The following CROT variants were observed in gnomAD, a reference collection of about 807,000 sequenced individuals.
CROT encodes the protein peroxisomal carnitine O-octanoyltransferase.
A neutral mutation model predicts 89.2 loss-of-function variants in CROT; 84 were observed. That is an observed-to-expected ratio of 0.94 (90% CI 0.79 to 1.13). The LOEUF (loss-of-function observed/expected upper bound fraction) is 1.13, where lower values mean the gene tolerates loss of function less well. Among genes scored for constraint, CROT ranks in the 50% most tolerant of loss-of-function variants. The probability of loss-of-function intolerance (pLI) is 0.00; values close to 1 mark genes in which losing one functional copy is unlikely to be tolerated. For missense variants in CROT, 711 were observed against 727.8 expected (o/e 0.98, Z 0.27); for synonymous variants, 212 against 239.5 (o/e 0.89, Z 1.06).
chr7:87,381,779 C>G, intron 10 of CROT, 131 bp from the exon 11 acceptor site: 1 of 590,734 alleles, frequency 1.7e-6, no homozygotes, highest in Non-Finnish European at 2.9e-6. Flanking sequence ...ATCATATCCT[C>G]AAGAGGTGAG....
At chr7:87,378,362 A>AAT (rs1584639244) in intron 10 of CROT, among the ~76,000 whole-genome samples, 1 of 150,386 alleles carries the variant, frequency 6.6e-6, no homozygotes, top group African/African-American at 2.4e-5. Flanking sequence ...AAAAAAAAAA[A>AAT]GGGTTCAGTA....
intron 3 of CROT, among the ~76,000 whole-genome samples, chr7:87,356,860 A>G (rs1806091275): frequency 6.6e-6 from 1 of 152,126 alleles, no homozygotes; most frequent in South Asian, 2.1e-4. Flanking sequence ...TGTCTCTACT[A>G]AAAATACAAA....
At chr7:87,356,561 T>C (rs1806073492) in intron 3 of CROT, among the ~76,000 whole-genome samples, 1 of 152,326 alleles carries the variant, frequency 6.6e-6, no homozygotes, top group Non-Finnish European at 1.5e-5. Context: ...TAGAAGACTC[T>C]GTTTAATTTC....
intron 7 of CROT, among the ~76,000 whole-genome samples, chr7:87,372,504 T>A (rs1228479310): frequency 6.6e-6 from 1 of 152,240 alleles, no homozygotes; most frequent in Admixed American, 6.5e-5. Context: ...CTTCATGGGC[T>A]GCATTCAGCC....
chr7:87,388,262 TA>T (rs200819189), intron 13 of CROT, among the ~76,000 whole-genome samples: 1 of 150,964 alleles, frequency 6.6e-6, no homozygotes, highest in Non-Finnish European at 1.5e-5. Flanking sequence ...TTCAGAAAAT[TA>T]AAAAAAAACT....
rs939757816 is a variant in CROT at position 87,393,161 on chromosome 7, T to C, written c.1718+94T>C. The C allele has an allele frequency of 3.8e-6, 5 of 1,317,532 alleles. No individual in the cohort carries two copies. In the Admixed American group the frequency reaches 1.2e-4, roughly 31 times the overall value. The allele number at this position is 1,317,532 out of a possible 1,614,324, so 81.6% of individuals were successfully genotyped here. A position where few individuals can be genotyped will look rare whatever the true frequency, so the allele number is the denominator to read the frequency against. On this transcript the variant is annotated intron_variant, in intron 17 of 17. Transcript: ENST00000331536. Reference sequence around the variant, plus strand: ...CCTTTCCTACACTGTGATTCTTATATTGCCATCTGTCACTTGCTACATAAG... The same window carrying C: ...CCTTTCCTACACTGTGATTCTTATACTGCCATCTGTCACTTGCTACATAAG...
At chr7:87,365,694 A>C (rs1806420386) in intron 6 of CROT, among the ~76,000 whole-genome samples, 1 of 148,032 alleles carries the variant, frequency 6.8e-6, no homozygotes, top group Admixed American at 6.8e-5. Context: ...TGCAACCTCG[A>C]CCTCCTGGGC....
At chr7:87,398,319 G>A (rs1384205561) in intron 17 of CROT, 1 of 689,656 alleles carries the variant, frequency 1.5e-6, no homozygotes, top group South Asian at 1.5e-5. Context: ...GTCCCTAGGT[G>A]CTAGTCATCT....
chr7:87,368,202 C>T lies in CROT; in HGVS notation c.548-1174C>T, dbSNP rs113650439. On this transcript the variant is annotated intron_variant, in intron 6 of 17. Transcript: ENST00000331536. Reference sequence around the variant, plus strand: ...AACACTTCTGCGGGTATTTACATGGCGTACTTTCTCACTCCATTCAGTTTT... The same window carrying T: ...AACACTTCTGCGGGTATTTACATGGTGTACTTTCTCACTCCATTCAGTTTT... Among the ~76,000 whole-genome samples, 881 of 152,298 alleles carry T rather than the reference C, an allele frequency of 5.8e-3. 13 individuals carry two copies. Among genetic ancestry groups the T allele is most frequent in the African/African-American group, 0.02 (826 of 41,554 alleles).
chr7:87,384,609 A>G (rs537068803), intron 13 of CROT, among the ~76,000 whole-genome samples: 21 of 152,318 alleles, frequency 1.4e-4, no homozygotes, highest in Non-Finnish European at 2.6e-4. Flanking sequence ...TAAGTTCCTT[A>G]TATATTCTGA....
intron 17 of CROT, among the ~76,000 whole-genome samples, chr7:87,394,828 A>T (rs2116219062): frequency 6.6e-6 from 1 of 152,330 alleles, no homozygotes; most frequent in South Asian, 2.1e-4. Flanking sequence ...AGCAAAGGAT[A>T]GTTTGATAAT....
At chr7:87,359,995 GA>G (rs1369162179) in intron 4 of CROT, 2 of 981,346 alleles carry the variant, frequency 2.0e-6, no homozygotes, top group East Asian at 2.3e-4. Context: ...AAAGCAAGCT[GA>G]TTTTTTTTGA....
At chr7:87,385,859 C>A (rs976980967) in intron 13 of CROT, among the ~76,000 whole-genome samples, 1 of 152,108 alleles carries the variant, frequency 6.6e-6, no homozygotes, top group African/African-American at 2.4e-5. Flanking sequence ...TTCTTCTTTA[C>A]TGAGTTTGTT....
chr7:87,351,901 T>C (rs907863720), intron 3 of CROT, among the ~76,000 whole-genome samples: 2 of 152,204 alleles, frequency 1.3e-5, no homozygotes, highest in Admixed American at 1.3e-4. Flanking sequence ...ACATGAATAT[T>C]GAACAAACGT....
Position 87,361,429 on chromosome 7 carries a change from C to T in CROT, c.280C>T (p.Arg94Cys), listed in dbSNP as rs773253678. The T allele has an allele frequency of 3.7e-6, 6 of 1,613,884 alleles. No homozygotes were observed. The highest frequency in any genetic ancestry group is 4.2e-6 in the Non-Finnish European group (5 of 1,179,962). ...GCTGAATGTTGCCTATCTGGATGTT[C>T]GTATACCATCACAATTGAATGTCAA... ...WWLNVAYLDV[R>C]IPSQLNVNFA... Residue 94 changes from arginine to cysteine, a missense_variant, in exon 5 of 18, where the codon CGT (arginine) becomes TGT (cysteine). Arg to Cys is a radical substitution (Grantham distance 180). Coordinates refer to ENST00000331536, the MANE Select transcript of CROT (RefSeq NM_021151.4).
chr7:87,347,652 C>T (rs1016286567), intron 2 of CROT, among the ~76,000 whole-genome samples: 1 of 152,078 alleles, frequency 6.6e-6, no homozygotes, highest in Non-Finnish European at 1.5e-5. Flanking sequence ...AGCTCTTCTC[C>T]CTACAATAGA....
intron 4 of CROT, among the ~76,000 whole-genome samples, chr7:87,360,439 C>T (rs1292385424): frequency 6.6e-6 from 1 of 152,144 alleles, no homozygotes. Flanking sequence ...CTCCTGGGTT[C>T]AAGCTATTCT....
rs1584612044 is a variant in CROT at position 87,345,754 on chromosome 7, G to T, written c.-126G>T. The T allele has an allele frequency of 1.3e-5, 4 of 318,316 alleles. No individual in the cohort carries two copies. In the East Asian group the frequency reaches 1.9e-4, roughly 15 times the overall value. The allele number at this position is 318,316 out of a possible 1,614,324, so 19.7% of individuals were successfully genotyped here. A position where few individuals can be genotyped will look rare whatever the true frequency, so the allele number is the denominator to read the frequency against. On this transcript the variant is annotated 5_prime_UTR_variant, in exon 1 of 18. Transcript: ENST00000331536. ...CGGCAGAGGCGGCGAGGCGCGGGCGGTGAGGACGGACAGGTCCGTTGAAGC... is the reference window on the plus strand; with the variant it reads ...CGGCAGAGGCGGCGAGGCGCGGGCGTTGAGGACGGACAGGTCCGTTGAAGC...
intron 6 of CROT, among the ~76,000 whole-genome samples, chr7:87,363,228 A>G (rs761208887): frequency 2.0e-5 from 3 of 152,162 alleles, no homozygotes; most frequent in Non-Finnish European, 4.4e-5. Flanking sequence ...TGGTGATTGA[A>G]GCTGACATAG....
Sources: gnomAD v4.1 joint callset for allele counts (sites outside exome capture counted in the v4.1 genomes callset) on GRCh38, gnomAD v4.1.1 for gene constraint, MANE v1.5 for transcripts, NCBI Gene and HGNC (gene_info 2026-07-23, HGNC 2026-07-21) for gene names.